Variants in MED15 observed in about 807,000 individuals in gnomAD.
MED15 encodes the protein mediator of RNA polymerase II transcription subunit 15.
A neutral mutation model predicts 118.7 loss-of-function variants in MED15; 41 were observed. That is an observed-to-expected ratio of 0.35 (90% CI 0.27 to 0.45). The LOEUF (loss-of-function observed/expected upper bound fraction) is 0.45, where lower values mean the gene tolerates loss of function less well. Ranked by LOEUF, MED15 falls within the 20% of genes least tolerant of loss-of-function variation. MED15 has a pLI of 1.00. For missense variants in MED15, 740 were observed against 1,025.5 expected, an observed-to-expected ratio of 0.72 and a Z score of 3.80; for synonymous variants, 436 against 413.9, an observed-to-expected ratio of 1.05 and a Z score of -0.65.
chr22:20,553,193 G>A lies in MED15; in HGVS notation c.238+19G>A, dbSNP rs766832772. 22 of 1,610,044 alleles carry A rather than the reference G, an allele frequency of 1.4e-5. No individual in the cohort carries two copies. The Admixed American group carries it at 2.8e-4, about 21-fold the overall frequency. The stretch of plus-strand genomic sequence containing the variant: ...GTCAGTGGTAAGAGTTTTCCCTTTT[G>A]AGTTAAAGTTTCTCCCAACTTTGGA... On this transcript the variant is annotated intron_variant, in intron 4 of 17. Coordinates refer to ENST00000263205, the MANE Select transcript of MED15 (RefSeq NM_001003891.3).
chr22:20,552,988 C>A, intron 3 of MED15, 157 bp from the exon 4 acceptor site: 1 of 664,746 alleles, frequency 1.5e-6, no homozygotes, highest in Non-Finnish European at 2.6e-6. Flanking sequence ...GTCAGCGCTG[C>A]CAAGAGTAGA....
At chr22:20,567,052 A>G (rs165664) in intron 7 of MED15, among the ~76,000 whole-genome samples, 68,046 of 151,902 alleles carry the variant, frequency 0.45, 15,595 homozygotes, top group East Asian at 0.52. Flanking sequence ...TGCTGCTGCT[A>G]CTGGGGCACC....
intron 1 of MED15, among the ~76,000 whole-genome samples, chr22:20,509,151 G>C (rs1317964052): frequency 6.6e-6 from 1 of 152,048 alleles, no homozygotes; most frequent in Non-Finnish European, 1.5e-5. Context: ...TCTGGGGCTC[G>C]AGGAGTAAGA....
At chr22:20,550,484 A>C (rs2055724121) in intron 2 of MED15, among the ~76,000 whole-genome samples, 1 of 152,274 alleles carries the variant, frequency 6.6e-6, no homozygotes, top group Non-Finnish European at 1.5e-5. Context: ...ATCTGAGACC[A>C]CTTTTCATCA....
At chr22:20,525,322 T>G (rs1267220613) in intron 1 of MED15, among the ~76,000 whole-genome samples, 7 of 150,364 alleles carry the variant, frequency 4.7e-5, no homozygotes, top group Admixed American at 6.6e-5. Context: ...GTTTTTTTGT[T>G]TTTTTTTTGA....
chr22:20,520,161 A>G (rs73879393), intron 1 of MED15, among the ~76,000 whole-genome samples: 2,582 of 152,238 alleles, frequency 0.017, 75 homozygotes, highest in African/African-American at 0.058. Flanking sequence ...TTCCCAGCCT[A>G]CGTACCCCTT....
intron 2 of MED15, among the ~76,000 whole-genome samples, chr22:20,540,406 TAACTC>T (rs1335119517): frequency 6.6e-6 from 1 of 151,978 alleles, no homozygotes; most frequent in Non-Finnish European, 1.5e-5. Flanking sequence ...ATACAAAACT[TAACTC>T]AAAATAAAAA....
At chr22:20,535,035 G>A (rs1950265061) in intron 1 of MED15, among the ~76,000 whole-genome samples, 1 of 152,166 alleles carries the variant, frequency 6.6e-6, no homozygotes, top group South Asian at 2.1e-4. Flanking sequence ...TTGGCTCACT[G>A]CAACCTCTGC....
chr22:20,569,570 T>TG (rs1464958382), intron 8 of MED15, among the ~76,000 whole-genome samples: 1 of 152,026 alleles, frequency 6.6e-6, no homozygotes, highest in Non-Finnish European at 1.5e-5. Context: ...ATCTCACGCT[T>TG]GGGGGGTGCT....
At chr22:20,567,122 G>A (rs186105315) in intron 7 of MED15, among the ~76,000 whole-genome samples, 4 of 152,316 alleles carry the variant, frequency 2.6e-5, no homozygotes, top group Non-Finnish European at 2.9e-5. Context: ...TTCAGGGTGT[G>A]AGCACTTCGA....
At chr22:20,585,907 G>C (rs909599048) in intron 17 of MED15, 81 bp downstream of exon 17, 7 of 1,366,304 alleles carry the variant, frequency 5.1e-6, no homozygotes, top group Non-Finnish European at 6.1e-6. Context: ...ACTGCAGCAG[G>C]GACAGCCTCT....
intron 1 of MED15, chr22:20,524,475 C>G (rs1227065225): frequency 1.4e-5 from 2 of 141,868 alleles, no homozygotes; most frequent in African/African-American, 5.1e-5. Flanking sequence ...AGGCACCTCT[C>G]AGATTGGTGG....
At position 20,584,987 on chromosome 22, in the gene MED15, A is replaced by G. The variant is rs764344185; in HGVS notation, c.1936A>G (p.Met646Val). The stretch of plus-strand genomic sequence containing the variant: ...CCTGTACCGCACATTCGTTCCAGCC[A>G]TGACCGCCATTCACGGCCCACCCAT... The part of the protein sequence containing the change: ...HSLYRTFVPA[M>V]TAIHGPPITA... The change falls in exon 15 of 18, where the codon ATG becomes GTG. Residue 646 changes from methionine (M) to valine (V), a missense_variant. Met to Val is a conservative substitution (Grantham distance 21). Coordinates refer to ENST00000263205, the MANE Select transcript of MED15 (RefSeq NM_001003891.3). 8 of 1,613,896 alleles carry G rather than the reference A, an allele frequency of 5.0e-6. No individual in the cohort carries two copies. The South Asian group carries it at 8.8e-5, about 18-fold the overall frequency.
intron 2 of MED15, among the ~76,000 whole-genome samples, chr22:20,540,010 G>C (rs1037438545): frequency 4.6e-5 from 7 of 152,174 alleles, no homozygotes; most frequent in African/African-American, 1.7e-4. Flanking sequence ...ATATAGGGGG[G>C]ATTTTATTTA....
chr22:20,537,083 G>T (rs977373278), intron 1 of MED15, 34 bp from the exon 2 acceptor site: 1 of 1,597,782 alleles, frequency 6.3e-7, no homozygotes. Flanking sequence ...AGTCACTGGT[G>T]TGTGCAAACG....
At chr22:20,516,262 G>C (rs1052491559) in intron 1 of MED15, among the ~76,000 whole-genome samples, 1 of 151,494 alleles carries the variant, frequency 6.6e-6, no homozygotes, top group African/African-American at 2.4e-5. Context: ...GCAGTGAGCC[G>C]AGATCACGCC....
intron 2 of MED15, among the ~76,000 whole-genome samples, chr22:20,542,009 G>A (rs149545759): frequency 6.0e-4 from 91 of 152,180 alleles, no homozygotes; most frequent in African/African-American, 2.1e-3. Context: ...GGCCATGCTG[G>A]TCTTGAACTC....
In MED15 at chr22:20,559,165, A is replaced by G. The variant is rs370906312; in HGVS notation, c.451+4017A>G. Among the ~76,000 whole-genome samples, 7 of 152,290 alleles carry G rather than the reference A, an allele frequency of 4.6e-5. No homozygotes were observed. In the East Asian group the frequency reaches 1.3e-3, roughly 29 times the overall value. On this transcript the variant is annotated intron_variant, in intron 5 of 17. Coordinates refer to ENST00000263205, the MANE Select transcript of MED15 (RefSeq NM_001003891.3). ...AACGAGACACCATCTCTGAAAAAATAGAAAACAAAAAGGAAAAGAAAGAGC... is the reference window on the plus strand; with the variant it reads ...AACGAGACACCATCTCTGAAAAAATGGAAAACAAAAAGGAAAAGAAAGAGC...
chr22:20,568,264 G>A (rs535305555), intron 7 of MED15, among the ~76,000 whole-genome samples: 1 of 17,764 alleles, frequency 5.6e-5, no homozygotes, highest in South Asian at 3.0e-3. Context: ...ATTGGAAGTC[G>A]TCAGTGCTTG....
Sources: gnomAD v4.1 joint callset for allele counts (sites outside exome capture counted in the v4.1 genomes callset) on GRCh38, gnomAD v4.1.1 for gene constraint, MANE v1.5 for transcripts, NCBI Gene and HGNC (gene_info 2026-07-23, HGNC 2026-07-21) for gene names.